The following CATSPERT variants were observed in gnomAD, a reference collection of about 807,000 sequenced individuals.
CATSPERT encodes cation channel sperm-associated targeting subunit tau.
the CATSPERT span, among the ~76,000 whole-genome samples, chr2:201,618,379 A>T: frequency 2.0e-5 from 3 of 152,194 alleles, no homozygotes; most frequent in South Asian, 6.2e-4. Context: ...CTATGCAGCC[A>T]TATAAAAAGG....
At chr2:201,583,634 G>T in the CATSPERT span, among the ~76,000 whole-genome samples, 1 of 152,186 alleles carries the variant, frequency 6.6e-6, no homozygotes, top group East Asian at 1.9e-4. Flanking sequence ...TAGTGGGCTC[G>T]GTTGCCTTAG....
chr2:201,510,647 T>G, the CATSPERT span, among the ~76,000 whole-genome samples: 1 of 152,108 alleles, frequency 6.6e-6, no homozygotes, highest in Non-Finnish European at 1.5e-5. Flanking sequence ...GGTAATAAAT[T>G]GCATTGAGAC....
the CATSPERT span, among the ~76,000 whole-genome samples, chr2:201,602,513 TA>T: frequency 6.6e-6 from 1 of 152,154 alleles, no homozygotes; most frequent in Admixed American, 6.5e-5. Flanking sequence ...TCAGCTTGTT[TA>T]AAAGCACCAA....
the CATSPERT span, chr2:201,493,800 G>C: frequency 6.8e-5 from 104 of 1,536,142 alleles, no homozygotes; most frequent in Admixed American, 2.2e-4. Context: ...TAGGTACTTC[G>C]CTTATTAAAT....
At chr2:201,519,109 A>G in the CATSPERT span, among the ~76,000 whole-genome samples, 1 of 152,168 alleles carries the variant, frequency 6.6e-6, no homozygotes, top group Non-Finnish European at 1.5e-5. Flanking sequence ...TCCCTTCTCC[A>G]TTGTGAACTA....
the CATSPERT span, among the ~76,000 whole-genome samples, chr2:201,602,396 T>A: frequency 6.6e-6 from 1 of 152,046 alleles, no homozygotes; most frequent in Non-Finnish European, 1.5e-5. Context: ...TCTTCAAAAA[T>A]CTCATTATAC....
the CATSPERT span, among the ~76,000 whole-genome samples, chr2:201,521,392 A>T: frequency 2.6e-5 from 4 of 151,876 alleles, no homozygotes; most frequent in Non-Finnish European, 5.9e-5. Context: ...GAGGAAAAGC[A>T]AGCACCTTCT....
chr2:201,536,111 G>A, the CATSPERT span: 1 of 1,613,264 alleles, frequency 6.2e-7, no homozygotes. Flanking sequence ...TCATTTTTCT[G>A]TCTGGCATGC....
chr2:201,502,571 CAA>C, the CATSPERT span, among the ~76,000 whole-genome samples: 731 of 94,970 alleles, frequency 7.7e-3, 7 homozygotes, highest in African/African-American at 0.025. Flanking sequence ...GACTCCATCT[CAA>C]AAAAAAAAAA....
the CATSPERT span, among the ~76,000 whole-genome samples, chr2:201,562,525 T>A: frequency 1.8e-5 from 2 of 113,112 alleles, no homozygotes; most frequent in Non-Finnish European, 3.8e-5. Context: ...TTTATTTATT[T>A]ATTTTTTTTA....
At chr2:201,581,548 G>GTATATATATA in the CATSPERT span, among the ~76,000 whole-genome samples, 15 of 9,644 alleles carry the variant, frequency 1.6e-3, no homozygotes, top group Admixed American at 4.2e-3. Context: ...AAAAATGTGT[G>GTATATATATA]TATATATATA....
chr2:201,613,227 A>T, the CATSPERT span, among the ~76,000 whole-genome samples: 1 of 152,220 alleles, frequency 6.6e-6, no homozygotes, highest in Admixed American at 6.5e-5. Flanking sequence ...ACGGAGTTTG[A>T]GATCTGAGAA....
chr2:201,524,492 A>G, the CATSPERT span, among the ~76,000 whole-genome samples: 1 of 152,222 alleles, frequency 6.6e-6, no homozygotes, highest in Admixed American at 6.5e-5. Flanking sequence ...ATGGGGGAAA[A>G]AAGACTCACT....
the CATSPERT span, among the ~76,000 whole-genome samples, chr2:201,524,880 C>T: frequency 6.6e-6 from 1 of 152,132 alleles, no homozygotes; most frequent in Non-Finnish European, 1.5e-5. Flanking sequence ...TAAGACATTA[C>T]GTAAGATAAA....
chr2:201,499,611 C>T, the CATSPERT span, among the ~76,000 whole-genome samples: 3 of 151,634 alleles, frequency 2.0e-5, no homozygotes, highest in Admixed American at 2.0e-4. Flanking sequence ...AGGCAGGTGG[C>T]TCACTTGAGT....
the CATSPERT span, among the ~76,000 whole-genome samples, chr2:201,510,717 CATAG>C: frequency 1.3e-5 from 2 of 152,012 alleles, no homozygotes; most frequent in Admixed American, 6.5e-5. Flanking sequence ...TAAAAAAAAT[CATAG>C]ATAGATTAAA....
chr2:201,585,345 G>C, the CATSPERT span, among the ~76,000 whole-genome samples: 61 of 147,564 alleles, frequency 4.1e-4, no homozygotes, highest in African/African-American at 1.5e-3. Flanking sequence ...TAACAAACCT[G>C]CACGTTCTGC....
the CATSPERT span, among the ~76,000 whole-genome samples, chr2:201,564,265 G>A: frequency 6.6e-6 from 1 of 152,128 alleles, no homozygotes; most frequent in African/African-American, 2.4e-5. Flanking sequence ...GATTGTTAGT[G>A]CTCCTAGCCC....
At chr2:201,590,038 G>C in the CATSPERT span, among the ~76,000 whole-genome samples, 9 of 151,680 alleles carry the variant, frequency 5.9e-5, no homozygotes, top group Non-Finnish European at 7.4e-5. Flanking sequence ...ACAATGTGCA[G>C]GTTAGTTACA....
Sources: gnomAD v4.1 joint callset for allele counts (sites outside exome capture counted in the v4.1 genomes callset) on GRCh38, gnomAD v4.1.1 for gene constraint, MANE v1.5 for transcripts, NCBI Gene and HGNC (gene_info 2026-07-23, HGNC 2026-07-21) for gene names.